JAKMIP1: variants seen among roughly 807,000 people sequenced by gnomAD.
The protein encoded by JAKMIP1 is janus kinase and microtubule interacting protein 1.
In JAKMIP1, 33 loss-of-function variants were observed where a neutral mutation model predicts 113.0. That is an observed-to-expected ratio of 0.29 (90% CI 0.22 to 0.39). The LOEUF is 0.39. JAKMIP1 is among the 10% of genes least tolerant of loss of function. The pLI is 1.00. For synonymous variants in JAKMIP1, 480 were observed against 459.9 expected (o/e 1.04, Z -0.56); for missense variants, 813 against 1,080.5 (o/e 0.75, Z 3.47).
chr4:6,124,741 C>A (rs1717171734), intron 1 of JAKMIP1, among the ~76,000 whole-genome samples: 2 of 152,240 alleles, frequency 1.3e-5, no homozygotes, highest in South Asian at 4.1e-4. Flanking sequence ...CAGGCCTCTG[C>A]ATGTGCCCTT....
chr4:6,046,738 G>A (rs1041357577), intron 16 of JAKMIP1, among the ~76,000 whole-genome samples: 1 of 152,224 alleles, frequency 6.6e-6, no homozygotes, highest in African/African-American at 2.4e-5. Flanking sequence ...CCCAGAGGAT[G>A]AGGAGCGCTG....
chr4:6,054,035 G>T lies in JAKMIP1; in HGVS notation c.1806+15C>A. The stretch of plus-strand genomic sequence containing the variant: ...CTGCTCCGTTTGAGAGTTTACAACA[G>T]ATAGAGTCTCTTACTTCGAGTTCTA... On this transcript the variant is annotated intron_variant, in intron 13 of 20. Coordinates refer to ENST00000409021, the MANE Select transcript of JAKMIP1 (RefSeq NM_001099433.2). 1 of 1,614,164 alleles carries T rather than the reference G, an allele frequency of 6.2e-7. No individual in the cohort carries two copies. Among genetic ancestry groups the T allele is most frequent in the Non-Finnish European group, 8.5e-7 (1 of 1,179,966 alleles).
chr4:6,102,923 T>C (rs555986426), intron 3 of JAKMIP1, among the ~76,000 whole-genome samples: 13 of 151,776 alleles, frequency 8.6e-5, no homozygotes, highest in African/African-American at 3.1e-4. Context: ...TTAGTAGAGA[T>C]GGGGTTTCAC....
rs1714135090 is a variant in JAKMIP1 at position 6,040,199 on chromosome 4, A to G, written c.2175+440T>C. Among the ~76,000 whole-genome samples the G allele has an allele frequency of 6.6e-6, 1 of 152,218 alleles. No individual in the cohort carries two copies. The highest frequency in any genetic ancestry group is 2.4e-5 in the African/African-American group (1 of 41,452). On this transcript the variant is annotated intron_variant, in intron 18 of 20. Transcript: ENST00000409021. The surrounding 1 kb of genome is among the most constrained non-coding windows in gnomAD (Gnocchi z 5.8). ...TTTTGCAACCCAAATGCAGTATTAC[A>G]TCCGACCTTATACCTCGTCCCTTCG...
At position 6,094,452 on chromosome 4, in the gene JAKMIP1, G is replaced by A. The variant is rs1227352145; in HGVS notation, c.625-8823C>T. Among the ~76,000 whole-genome samples the A allele has an allele frequency of 6.6e-6, 1 of 152,192 alleles. No individual in the cohort carries two copies. The highest frequency in any genetic ancestry group is 1.5e-5 in the Non-Finnish European group (1 of 68,034). On this transcript the variant is annotated intron_variant, in intron 3 of 20. Coordinates refer to ENST00000409021, the MANE Select transcript of JAKMIP1 (RefSeq NM_001099433.2). The surrounding 1 kb of genome is among the most constrained non-coding windows in gnomAD (Gnocchi z 4.2). The stretch of plus-strand genomic sequence containing the variant: ...AAAACAGCCTGGCCCCAGTGAGAGG[G>A]CTTGGCAGACAGGCATGGGAGTAAA...
intron 7 of JAKMIP1, among the ~76,000 whole-genome samples, chr4:6,079,703 C>T (rs912242849): frequency 2.6e-5 from 4 of 152,106 alleles, no homozygotes; most frequent in African/African-American, 9.7e-5. Context: ...TATACACGTC[C>T]AAAACTCACA....
intron 19 of JAKMIP1, among the ~76,000 whole-genome samples, chr4:6,035,117 CTCTCTCTCTCTCTT>C (rs1299868184): frequency 6.6e-6 from 1 of 151,954 alleles, no homozygotes; most frequent in East Asian, 1.9e-4. Context: ...ACCTCTTTCT[CTCTCTCTCTCTCTT>C]TCTCTTTCTC....
At position 6,181,585 on chromosome 4, in the gene JAKMIP1, G is replaced by A. The variant is rs531506833; in HGVS notation, c.-148+18668C>T. 1.7e-4 allele frequency among the ~76,000 whole-genome samples: 26 copies of A among 152,316 alleles called. No individual in the cohort carries two copies. The highest frequency in any genetic ancestry group is 5.8e-4 in the African/African-American group (24 of 41,574). ...GGCCTATGGGTGCCAGCGTGGTGAG[G>A]GAAGGGACATCCAAAGTGGGCTGTG... On this transcript the variant is annotated intron_variant, in intron 1 of 20. Transcript: ENST00000409021. This position sits in a 1 kb window ranked among gnomAD's most constrained non-coding sequence, Gnocchi z 5.4.
At chr4:6,063,952 C>A (rs1021192065) in intron 9 of JAKMIP1, among the ~76,000 whole-genome samples, 1 of 152,214 alleles carries the variant, frequency 6.6e-6, no homozygotes, top group Non-Finnish European at 1.5e-5. Flanking sequence ...CGCGAGGTAG[C>A]GCGATCCACC....
intron 1 of JAKMIP1, among the ~76,000 whole-genome samples, chr4:6,114,469 C>G (rs1333816948): frequency 6.6e-6 from 1 of 152,156 alleles, no homozygotes; most frequent in East Asian, 1.9e-4. Flanking sequence ...GGGGTGGGGT[C>G]TCCACAACAC....
At chr4:6,125,066 T>C (rs1451345557) in intron 1 of JAKMIP1, among the ~76,000 whole-genome samples, 6 of 152,138 alleles carry the variant, frequency 3.9e-5, no homozygotes, top group Non-Finnish European at 8.8e-5. Context: ...AGCCAGGCTA[T>C]GGTCAAAGGC....
At chr4:6,145,988 TG>T (rs1339385231) in intron 1 of JAKMIP1, among the ~76,000 whole-genome samples, 1 of 152,128 alleles carries the variant, frequency 6.6e-6, no homozygotes, top group African/African-American at 2.4e-5. Flanking sequence ...ATAGGAACTT[TG>T]GGGGGACACA....
At position 6,065,123 on chromosome 4, in the gene JAKMIP1, G is replaced by T; in HGVS notation, c.1303-115C>A. On this transcript the variant is annotated intron_variant, in intron 8 of 20. Coordinates refer to ENST00000409021, the MANE Select transcript of JAKMIP1 (RefSeq NM_001099433.2). This position sits in a 1 kb window ranked among gnomAD's most constrained non-coding sequence, Gnocchi z 5.1. ...GTGATGATTGACATTTGGGCCACTG[G>T]GGCATCACAAGATGCGGTTGGTGGG... 7.6e-7 allele frequency: 1 copy of T among 1,308,468 alleles called. No homozygotes were observed. Among genetic ancestry groups the T allele is most frequent in the East Asian group, 2.3e-5 (1 of 43,232 alleles). The allele number at this position is 1,308,468 out of a possible 1,614,324, so 81.1% of individuals were successfully genotyped here.
intron 1 of JAKMIP1, among the ~76,000 whole-genome samples, chr4:6,119,143 G>A (rs1716318369): frequency 6.6e-6 from 1 of 152,172 alleles, no homozygotes; most frequent in Non-Finnish European, 1.5e-5. Context: ...TGTGATTTGG[G>A]ACTTCTGACC....
chr4:6,063,250 C>T (rs1034510925), intron 9 of JAKMIP1, among the ~76,000 whole-genome samples: 9 of 152,242 alleles, frequency 5.9e-5, no homozygotes, highest in East Asian at 1.9e-4. Flanking sequence ...CTCATCAGTG[C>T]GTGCTGCTCA....
intron 3 of JAKMIP1, among the ~76,000 whole-genome samples, chr4:6,100,792 G>A (rs1293630182): frequency 6.6e-6 from 1 of 151,938 alleles, no homozygotes; most frequent in African/African-American, 2.4e-5. Context: ...ATATCTAGTT[G>A]TAATTTTACT....
intron 7 of JAKMIP1, among the ~76,000 whole-genome samples, chr4:6,079,581 G>A (rs566161247): frequency 1.3e-5 from 2 of 152,314 alleles, no homozygotes; most frequent in South Asian, 2.1e-4. Context: ...CTCCCTGCAG[G>A]TGTTCTCTGC....
Position 6,176,302 on chromosome 4 carries a change from T to C in JAKMIP1, c.-148+23951A>G, listed in dbSNP as rs1361053641. Among the ~76,000 whole-genome samples, 2 of 152,076 alleles carry C rather than the reference T, an allele frequency of 1.3e-5. No homozygotes were observed. The highest frequency in any genetic ancestry group is 2.9e-5 in the Non-Finnish European group (2 of 68,010). On this transcript the variant is annotated intron_variant, in intron 1 of 20. Transcript: ENST00000409021. This position sits in a 1 kb window ranked among gnomAD's most constrained non-coding sequence, Gnocchi z 5.5. The stretch of plus-strand genomic sequence containing the variant: ...CTGGCAGCAGGTTCCACGGGGCCCC[T>C]GAAGGCAGAGACAGTGTTTAGGCTG...
At chr4:6,034,026 C>T (rs1713077384) in intron 19 of JAKMIP1, among the ~76,000 whole-genome samples, 1 of 151,972 alleles carries the variant, frequency 6.6e-6, no homozygotes, top group South Asian at 2.1e-4. Flanking sequence ...CTTCATCTCT[C>T]CCTCTGTTTA....
Sources: allele counts gnomAD v4.1 joint callset (sites outside exome capture counted in the v4.1 genomes callset), GRCh38; gene constraint gnomAD v4.1.1; non-coding constraint Gnocchi (gnomAD v3.1); transcripts MANE v1.5; gene names NCBI Gene and HGNC (gene_info 2026-07-23, HGNC 2026-07-21).